WDR19: variants seen among roughly 807,000 people sequenced by gnomAD.
WDR19 encodes WD repeat-containing protein 19.
In WDR19, 121 loss-of-function variants were observed where a neutral mutation model predicts 180.0. The observed-to-expected ratio is 0.67, with a 90% CI of 0.58 to 0.78. The LOEUF (loss-of-function observed/expected upper bound fraction) is 0.78. Among genes scored for constraint, WDR19 ranks in the 30% least tolerant of loss-of-function variants. The probability of loss-of-function intolerance (pLI) is 0.00; values close to 1 mark genes in which losing one functional copy is unlikely to be tolerated. For missense variants in WDR19, 1,450 were observed against 1,640.7 expected (o/e 0.88, Z 2.01); for synonymous variants, 497 against 540.7 (o/e 0.92, Z 1.12).
chr4:39,231,613 A>AT (rs899149692), intron 17 of WDR19, among the ~76,000 whole-genome samples, 184 bp from the exon 18 acceptor site: 1 of 152,230 alleles, frequency 6.6e-6, no homozygotes, highest in African/African-American at 2.4e-5. Flanking sequence ...AGGGAAAAAC[A>AT]TTTATCTGTA....
rs749303864 is a variant in WDR19, at chr4:39,255,877, C to G, written c.3031C>G (p.Gln1011Glu). ...GSEDTTNEDY[Q>E]SIALYFEGEK... ...TGAAGACACTACTAATGAAGACTAT[C>G]AAAGCATTGCCTTATACTTTGAAGG... Residue 1011 changes from glutamine to glutamate, a missense_variant, in exon 27 of 37, where the codon CAA becomes GAA. Physicochemically the swap from Gln to Glu is conservative, Grantham distance 29 (BLOSUM62 2). Transcript: ENST00000399820. The G allele has an allele frequency of 6.2e-7, 1 of 1,605,470 alleles. No individual in the cohort carries two copies. The highest frequency in any genetic ancestry group is 8.5e-7 in the Non-Finnish European group (1 of 1,175,794).
At chr4:39,188,812 A>G (rs184514785) in intron 3 of WDR19, among the ~76,000 whole-genome samples, 12 of 152,192 alleles carry the variant, frequency 7.9e-5, no homozygotes, top group Admixed American at 7.2e-4. Context: ...GTACAGTGAC[A>G]CAAACATGGC....
chr4:39,198,026 A>T (rs1425457065), intron 5 of WDR19, among the ~76,000 whole-genome samples: 5 of 151,808 alleles, frequency 3.3e-5, no homozygotes, highest in African/African-American at 1.2e-4. Flanking sequence ...TAATTTTTGT[A>T]GAGATGAAGT....
intron 27 of WDR19, among the ~76,000 whole-genome samples, chr4:39,256,814 C>T (rs562092593): frequency 6.6e-6 from 1 of 152,232 alleles, no homozygotes; most frequent in East Asian, 1.9e-4. Flanking sequence ...CCATCCTGTT[C>T]TCCATCTGGG....
chr4:39,232,367 C>CT, intron 19 of WDR19, 95 bp downstream of exon 19: 1 of 997,496 alleles, frequency 1.0e-6, no homozygotes, highest in Non-Finnish European at 1.5e-6. Flanking sequence ...GCTCACGCCT[C>CT]TAATTCCAGC....
chr4:39,248,639 A>C (rs2109421110), intron 24 of WDR19, among the ~76,000 whole-genome samples: 1 of 152,294 alleles, frequency 6.6e-6, no homozygotes, highest in African/African-American at 2.4e-5. Flanking sequence ...ATAGGCTCAA[A>C]ATAAAGGGAT....
intron 19 of WDR19, among the ~76,000 whole-genome samples, chr4:39,234,435 A>G (rs1328476948): frequency 6.6e-6 from 1 of 152,204 alleles, no homozygotes; most frequent in East Asian, 1.9e-4. Flanking sequence ...TTAATTGATT[A>G]CATTAATTTA....
chr4:39,210,864 C>A (rs1728423729), intron 9 of WDR19, among the ~76,000 whole-genome samples: 1 of 152,026 alleles, frequency 6.6e-6, no homozygotes, highest in Admixed American at 6.6e-5. Flanking sequence ...AGGCCAGGCA[C>A]AGTGGCTCAC....
rs754511582 is a variant in WDR19 at position 39,253,894 on chromosome 4, A to G, written c.2877-12A>G. 3.5e-5 allele frequency: 55 copies of G among 1,589,368 alleles called. No individual in the cohort carries two copies. Among genetic ancestry groups the G allele is most frequent in the Non-Finnish European group, 4.6e-5 (54 of 1,167,632 alleles). On this transcript the variant is annotated splice_polypyrimidine_tract_variant and intron_variant, in intron 25 of 36. Transcript: ENST00000399820. ...TATTAAGAGTCTAGCTAATTAAAGTACTTTGCTTTAGGTTTTTTCTACAGC... is the reference window on the plus strand; with the variant it reads ...TATTAAGAGTCTAGCTAATTAAAGTGCTTTGCTTTAGGTTTTTTCTACAGC...
intron 33 of WDR19, 121 bp from the exon 34 acceptor site, chr4:39,276,899 C>A (rs1383389876): frequency 3.2e-6 from 4 of 1,263,366 alleles, no homozygotes; most frequent in Non-Finnish European, 4.5e-6. Context: ...TCTCTAAGCC[C>A]AGAGTCTGAC....
At chr4:39,278,761 C>G (rs189703079) in intron 36 of WDR19, 98 bp downstream of exon 36, 1 of 597,042 alleles carries the variant, frequency 1.7e-6, no homozygotes, top group African/African-American at 1.9e-5. Flanking sequence ...TTCAGTGCAC[C>G]ATGGAACTTG....
At chr4:39,207,943 A>G (rs1441504666) in intron 9 of WDR19, among the ~76,000 whole-genome samples, 7 of 152,162 alleles carry the variant, frequency 4.6e-5, no homozygotes, top group African/African-American at 1.7e-4. Context: ...AATGCAATAT[A>G]TAAGACAACT....
intron 21 of WDR19, among the ~76,000 whole-genome samples, chr4:39,243,698 C>T (rs973718685): frequency 7.2e-5 from 11 of 152,276 alleles, no homozygotes; most frequent in African/African-American, 2.4e-4. Flanking sequence ...AGGGCAGATA[C>T]AGATCATTTC....
chr4:39,216,952 A>G (rs1031098533), intron 12 of WDR19, among the ~76,000 whole-genome samples, 182 bp from the exon 13 acceptor site: 3 of 152,268 alleles, frequency 2.0e-5, no homozygotes, highest in Non-Finnish European at 4.4e-5. Flanking sequence ...TTATATGGCA[A>G]CTAAGATTAA....
chr4:39,185,043 T>C (rs1725369595), intron 1 of WDR19, among the ~76,000 whole-genome samples: 1 of 152,232 alleles, frequency 6.6e-6, no homozygotes, highest in Admixed American at 6.5e-5. Flanking sequence ...TACATTCTTT[T>C]TCCAGTTGTT....
At chr4:39,188,061 C>A (rs1725743068) in intron 3 of WDR19, among the ~76,000 whole-genome samples, 1 of 151,882 alleles carries the variant, frequency 6.6e-6, no homozygotes, top group African/African-American at 2.4e-5. Flanking sequence ...TTATTTAATA[C>A]CCAAGAATGA....
At chr4:39,232,961 A>G (rs1731031199) in intron 19 of WDR19, among the ~76,000 whole-genome samples, 1 of 152,240 alleles carries the variant, frequency 6.6e-6, no homozygotes, top group Admixed American at 6.5e-5. Context: ...GTGTCCAAAG[A>G]GAACAGATTG....
chr4:39,253,395 C>T, intron 25 of WDR19, 103 bp downstream of exon 25: 1 of 1,329,272 alleles, frequency 7.5e-7, no homozygotes, highest in Non-Finnish European at 1.0e-6. Flanking sequence ...AATATTTAGT[C>T]TTTATTTTTT....
In WDR19 at chr4:39,232,248, C is replaced by T. The variant is rs1730951935; in HGVS notation, c.2229C>T (p.Ser743=). Residue 743 remains serine (S), a synonymous_variant, in exon 19 of 37, where the codon TCC becomes TCT. Coordinates refer to ENST00000399820, the MANE Select transcript of WDR19 (RefSeq NM_025132.4). ...YNLAQDLYLA[S]SCPIAALEMR... is the part of the protein sequence containing the mutation. ...TGGCTCAGGACTTGTACCTTGCATC[C>T]AGCTGTCCTATTGCTGCCCTGGAGG... The T allele has an allele frequency of 6.2e-7, 1 of 1,610,784 alleles. No homozygotes were observed. Among genetic ancestry groups the T allele is most frequent in the African/African-American group, 1.3e-5 (1 of 74,698 alleles).
Sources: gnomAD v4.1 joint callset for allele counts (sites outside exome capture counted in the v4.1 genomes callset) on GRCh38, gnomAD v4.1.1 for gene constraint, MANE v1.5 for transcripts, NCBI Gene and HGNC (gene_info 2026-07-23, HGNC 2026-07-21) for gene names.